ZFHX3: variants seen among roughly 807,000 people sequenced by gnomAD.
The protein encoded by ZFHX3 is zinc finger homeobox protein 3.
Under a neutral mutation model 279.1 loss-of-function variants are expected in ZFHX3, and 42 were observed. That is an observed-to-expected ratio of 0.15 (90% CI 0.12 to 0.19). The LOEUF (loss-of-function observed/expected upper bound fraction) is 0.19. Ranked by LOEUF, ZFHX3 falls within the 10% of genes least tolerant of loss-of-function variation. The pLI is 1.00. For missense variants in ZFHX3, 4,981 were observed against 4,754.0 expected (o/e 1.05, Z -1.40); for synonymous variants, 2,293 against 1,957.8 (o/e 1.17, Z -4.52).
intron 4 of ZFHX3, among the ~76,000 whole-genome samples, chr16:72,870,931 T>A (rs2038145916): frequency 6.6e-6 from 1 of 152,162 alleles, no homozygotes; most frequent in Non-Finnish European, 1.5e-5. Flanking sequence ...ACACACTAAC[T>A]TATTTTGATG....
intron 3 of ZFHX3, among the ~76,000 whole-genome samples, chr16:72,946,535 G>A (rs2144370956): frequency 6.6e-6 from 1 of 152,322 alleles, no homozygotes; most frequent in East Asian, 1.9e-4. Flanking sequence ...GGAGATGGTG[G>A]GAGTGTGCAC....
chr16:73,154,939 T>C (rs8061822), intron 5 of ZFHX3, among the ~76,000 whole-genome samples: 87,100 of 151,820 alleles, frequency 0.57, 25,256 homozygotes, highest in Middle Eastern at 0.67. Flanking sequence ...TTTGAGAGGC[T>C]GAGGTGGGAG....
At chr16:73,820,236 CCCA>C (rs1257720894) in intron 1 of ZFHX3, among the ~76,000 whole-genome samples, 8 of 151,954 alleles carry the variant, frequency 5.3e-5, no homozygotes, top group African/African-American at 1.5e-4. Flanking sequence ...ACTACAGGCG[CCCA>C]CCACCACACT....
intron 3 of ZFHX3, among the ~76,000 whole-genome samples, chr16:73,319,451 A>G (rs1203479075): frequency 1.3e-5 from 2 of 152,158 alleles, no homozygotes; most frequent in African/African-American, 4.8e-5. Context: ...CACAGAGCTC[A>G]GAAACTGTAA....
intron 8 of ZFHX3, chr16:73,092,859 G>T (rs977575596): frequency 3.9e-6 from 2 of 507,712 alleles, no homozygotes; most frequent in East Asian, 5.5e-5. Flanking sequence ...GAGTTTAATA[G>T]GGACAACAGT....
chr16:72,796,648 A>T lies in ZFHX3; in HGVS notation c.6034T>A (p.Phe2012Ile). ...QEHVHQNYFP[F>I]KQLERFAKQY... is the part of the protein sequence containing the mutation. ...TTGGCAAACCTCTCGAGCTGTTTGAAAGGAAAGTAATTCTGATGAACGTGC... is the reference window on the plus strand; with the variant it reads ...TTGGCAAACCTCTCGAGCTGTTTGATAGGAAAGTAATTCTGATGAACGTGC... Residue 2012 changes from phenylalanine to isoleucine, a missense_variant, in exon 9 of 10, where the codon TTC becomes ATC. Physicochemically the swap from Phe to Ile is conservative, Grantham distance 21. Transcript: ENST00000268489. The T allele has an allele frequency of 6.2e-7, 1 of 1,614,090 alleles. No individual in the cohort carries two copies. Among genetic ancestry groups the T allele is most frequent in the Non-Finnish European group, 8.5e-7 (1 of 1,180,016 alleles).
intron 3 of ZFHX3, among the ~76,000 whole-genome samples, chr16:73,408,845 G>A (rs938274680): frequency 5.9e-5 from 9 of 151,958 alleles, no homozygotes; most frequent in East Asian, 2.0e-4. Context: ...GACCACAAGC[G>A]GCATCAAATT....
intron 5 of ZFHX3, chr16:73,233,926 A>G (rs917001946): frequency 6.6e-6 from 1 of 152,146 alleles, no homozygotes; most frequent in Non-Finnish European, 1.5e-5. Context: ...GGAGAAATAG[A>G]TTTTGCAGAA....
intron 1 of ZFHX3, among the ~76,000 whole-genome samples, chr16:73,697,970 G>C (rs1004722704): frequency 3.9e-5 from 6 of 151,986 alleles, no homozygotes; most frequent in Non-Finnish European, 8.8e-5. Context: ...AAGGAACCAG[G>C]GCTCCTTAAA....
At chr16:73,283,819 C>G (rs9925094) in intron 4 of ZFHX3, among the ~76,000 whole-genome samples, 133,803 of 152,130 alleles carry the variant, frequency 0.88, 59,084 homozygotes, top group African/African-American at 0.96. Context: ...CCTGGTGGTG[C>G]ATGGTTGTCA....
In ZFHX3 at chr16:73,164,061, G is replaced by C. The variant is rs35184703; in HGVS notation, c.-1103-20230C>G. 2.0e-5 allele frequency among the ~76,000 whole-genome samples: 3 copies of C among 152,148 alleles called. No homozygotes were observed. The South Asian group carries it at 6.2e-4, about 32-fold the overall frequency. ...CTGCTGAGCCGATCCTGCAACTGCC[G>C]CAAGGTTCTGATTTTTATAGGGAGC... On this transcript the variant is annotated intron_variant, in intron 5 of 17. Coordinates refer to the ZFHX3 transcript ENST00000641206.
At chr16:73,622,585 G>GAAAA (rs1482728972) in intron 2 of ZFHX3, among the ~76,000 whole-genome samples, 2 of 151,678 alleles carry the variant, frequency 1.3e-5, no homozygotes, top group African/African-American at 4.9e-5. Flanking sequence ...AAGAAAGAAA[G>GAAAA]AAAGAATTTG....
intron 3 of ZFHX3, among the ~76,000 whole-genome samples, chr16:73,358,983 A>G (rs1232598290): frequency 6.6e-6 from 1 of 152,210 alleles, no homozygotes; most frequent in Non-Finnish European, 1.5e-5. Context: ...CTGGTCCATA[A>G]TAAGTATTTA....
At chr16:73,452,039 A>C (rs2143560830) in intron 3 of ZFHX3, among the ~76,000 whole-genome samples, 1 of 152,336 alleles carries the variant, frequency 6.6e-6, no homozygotes, top group South Asian at 2.1e-4. Context: ...AGCAGTACAC[A>C]AAGAGCTGAG....
At chr16:72,805,126 C>T (rs987007024) in intron 7 of ZFHX3, among the ~76,000 whole-genome samples, 52 of 152,034 alleles carry the variant, frequency 3.4e-4, no homozygotes, top group Admixed American at 2.8e-3. Context: ...TACAGATGTG[C>T]ACCACCACGC....
intron 2 of ZFHX3, among the ~76,000 whole-genome samples, chr16:73,635,486 G>A (rs150352029): frequency 6.6e-6 from 1 of 152,194 alleles, no homozygotes; most frequent in African/African-American, 2.4e-5. Flanking sequence ...ATTTTGTGAG[G>A]GGAGCTGATG....
intron 3 of ZFHX3, among the ~76,000 whole-genome samples, chr16:72,890,284 A>G (rs983585926): frequency 1.3e-5 from 2 of 152,132 alleles, no homozygotes; most frequent in Non-Finnish European, 2.9e-5. Flanking sequence ...GCTTTTCCCT[A>G]CTTCACTCAG....
At chr16:73,652,889 A>G (rs1367412675) in intron 2 of ZFHX3, among the ~76,000 whole-genome samples, 2 of 152,214 alleles carry the variant, frequency 1.3e-5, no homozygotes, top group Admixed American at 6.5e-5. Flanking sequence ...CATTAAACAC[A>G]AAAGTAAATG....
intron 8 of ZFHX3, among the ~76,000 whole-genome samples, chr16:73,080,388 C>A (rs1414942813): frequency 3.3e-5 from 5 of 152,164 alleles, no homozygotes; most frequent in Non-Finnish European, 7.3e-5. Flanking sequence ...ATCACAGCCT[C>A]CAGAACTGTG....
Sources: gnomAD v4.1 joint callset for allele counts (sites outside exome capture counted in the v4.1 genomes callset) on GRCh38, gnomAD v4.1.1 for gene constraint, MANE v1.5 for transcripts, NCBI Gene and HGNC (gene_info 2026-07-23, HGNC 2026-07-21) for gene names.